Variants in FRMD1 observed in about 807,000 individuals in gnomAD.
FRMD1 encodes FERM domain containing 1, also known as FERM domain-containing protein 1.
FRMD1 carries 51 observed loss-of-function variants against 54.9 expected under a neutral mutation model. The observed-to-expected ratio is 0.93, with a 90% CI of 0.74 to 1.17. The LOEUF (loss-of-function observed/expected upper bound fraction) is 1.17. Ranked by LOEUF, FRMD1 falls within the 50% of genes most tolerant of loss-of-function variation. The pLI is 0.00. For synonymous variants in FRMD1, 324 were observed against 306.4 expected (o/e 1.06, Z -0.60); for missense variants, 729 against 743.0 (o/e 0.98, Z 0.22).
At chr6:168,067,122 C>G (rs879337596) in intron 3 of FRMD1, 1 of 703,760 alleles carries the variant, frequency 1.4e-6, no homozygotes, top group Non-Finnish European at 2.6e-6. Context: ...CCCCTCTGGA[C>G]GGAGCAGCTG....
intron 4 of FRMD1, 99 bp downstream of exon 4, chr6:168,066,656 T>C (rs904599917): frequency 7.5e-6 from 11 of 1,457,758 alleles, no homozygotes; most frequent in Non-Finnish European, 1.0e-5. Flanking sequence ...TGTTTTTGGA[T>C]AAACTCAAAT....
rs149163651 is a variant in FRMD1, at chr6:168,067,709, C to A, written c.305-263G>T. ...AGCTGATATTCAAAACTGGCACATG[C>A]TCCGGGCACGCCCTTTGGGAAAGCA... On this transcript the variant is annotated intron_variant, in intron 2 of 10. Transcript: ENST00000283309. Among the ~76,000 whole-genome samples the A allele has an allele frequency of 3.5e-3, 527 of 152,392 alleles. 2 individuals are homozygous for A. The highest frequency in any genetic ancestry group is 6.8e-3 in the Middle Eastern group (2 of 294).
chr6:168,090,500 C>T (rs558816269), intron 1 of FRMD1, among the ~76,000 whole-genome samples: 2 of 152,356 alleles, frequency 1.3e-5, no homozygotes, highest in East Asian at 3.9e-4. Context: ...AGCGTGGCTG[C>T]CCAGCCCATC....
chr6:168,061,060 G>T lies in FRMD1; in HGVS notation c.1046-3C>A. On this transcript the variant is annotated splice_polypyrimidine_tract_variant and splice_region_variant and intron_variant, in intron 8 of 10. Coordinates refer to ENST00000283309, the MANE Select transcript of FRMD1 (RefSeq NM_024919.6). Reference sequence around the variant, plus strand: ...GGACTCCCGGTAGTGCTGCTTCTCTGTGGGGAGTGGGGAGCACAGTGAGGG... The same window carrying T: ...GGACTCCCGGTAGTGCTGCTTCTCTTTGGGGAGTGGGGAGCACAGTGAGGG... The T allele has an allele frequency of 6.2e-7, 1 of 1,603,472 alleles. No homozygotes were observed. The highest frequency in any genetic ancestry group is 1.1e-5 in the South Asian group (1 of 90,812).
upstream of FRMD1, among the ~76,000 whole-genome samples, chr6:168,084,923 G>T (rs935744461): frequency 6.6e-6 from 1 of 152,138 alleles, no homozygotes; most frequent in African/African-American, 2.4e-5. Context: ...AGCAGAAAAG[G>T]TTGAGGGGCT....
In FRMD1 at chr6:168,065,554, A is replaced by G. The variant is rs114281158; in HGVS notation, c.462-497T>C. The G allele has an allele frequency of 5.4e-4, 535 of 987,220 alleles. No individual in the cohort carries two copies. The African/African-American group carries it at 8.2e-3, about 15-fold the overall frequency. 61.2% of individuals were successfully genotyped at this position (987,220 alleles called of 1,614,324 possible). A position where few individuals can be genotyped will look rare whatever the true frequency, so the allele number is the denominator to read the frequency against. The stretch of plus-strand genomic sequence containing the variant: ...AGATGCAGGTGCAAGATCTTCTCAT[A>G]TAATTCCCCCGAACTGGCCCCATAG... On this transcript the variant is annotated intron_variant, in intron 4 of 10. Transcript: ENST00000283309.
chr6:168,070,841 G>A (rs777715680), intron 2 of FRMD1, among the ~76,000 whole-genome samples: 14 of 152,178 alleles, frequency 9.2e-5, no homozygotes, highest in Admixed American at 7.2e-4. Context: ...CTGGAGGACC[G>A]GCATCTTGCT....
intron 3 of FRMD1, 119 bp downstream of exon 3, chr6:168,067,247 CA>C: frequency 2.8e-6 from 2 of 704,916 alleles, no homozygotes; most frequent in Non-Finnish European, 5.1e-6. Context: ...CCAACCCACG[CA>C]TCCCCGCGGT....
rs187943508 is a variant in FRMD1 at position 168,056,987 on chromosome 6, C to T, written c.*110G>A. 63 of 1,292,164 alleles carry T rather than the reference C, an allele frequency of 4.9e-5. No homozygotes were observed. The highest frequency in any genetic ancestry group is 3.0e-4 in the African/African-American group (20 of 65,834). 80.0% of individuals were successfully genotyped at this position (1,292,164 alleles called of 1,614,324 possible). On this transcript the variant is annotated 3_prime_UTR_variant, in exon 11 of 11. Transcript: ENST00000283309. Reference sequence around the variant, plus strand: ...GTGAACCTGTGGAGCGTGCTGGCTGCGGAAGTGCAGGCAGCATCTGGCGGG... The same window carrying T: ...GTGAACCTGTGGAGCGTGCTGGCTGTGGAAGTGCAGGCAGCATCTGGCGGG...
At chr6:168,083,913 T>G (rs1023265588), upstream of FRMD1, among the ~76,000 whole-genome samples, 2 of 152,218 alleles carry the variant, frequency 1.3e-5, no homozygotes, top group Non-Finnish European at 1.5e-5. Flanking sequence ...ATCAATTTAC[T>G]TGTTACAAAG....
Position 168,057,240 on chromosome 6 carries a change from G to A in FRMD1, c.1507C>T (p.Leu503Phe). The A allele has an allele frequency of 1.9e-6, 3 of 1,610,682 alleles. No homozygotes were observed. Among genetic ancestry groups the A allele is most frequent in the Non-Finnish European group, 2.5e-6 (3 of 1,178,870 alleles). Residue 503 changes from leucine (L) to phenylalanine (F), a missense_variant, in exon 11 of 11, where the codon CTC becomes TTC. Coordinates refer to ENST00000283309, the MANE Select transcript of FRMD1 (RefSeq NM_024919.6). ...QLALHPAPTS[L>F]SHTFHRALDC... ...AGGGCGCGGTGGAAGGTATGGCTGAGTGAGGTGGGCGCTGGGTGCAGGGCC... is the reference window on the plus strand; with the variant it reads ...AGGGCGCGGTGGAAGGTATGGCTGAATGAGGTGGGCGCTGGGTGCAGGGCC...
Position 168,057,350 on chromosome 6 carries a change from A to G in FRMD1, c.1408-11T>C. 6.2e-7 allele frequency: 1 copy of G among 1,607,310 alleles called. No homozygotes were observed. The highest frequency in any genetic ancestry group is 8.5e-7 in the Non-Finnish European group (1 of 1,179,570). On this transcript the variant is annotated splice_polypyrimidine_tract_variant and intron_variant, in intron 10 of 10. Transcript: ENST00000283309. ...TGTCATTTCCTGGATCTGCGGGGAG[A>G]GGCCATGGGATGAGGCCTGCTGCCC... is the stretch of plus-strand genomic sequence containing the variant.
At chr6:168,090,490 A>G (rs1305765836) in intron 1 of FRMD1, among the ~76,000 whole-genome samples, 3 of 152,038 alleles carry the variant, frequency 2.0e-5, no homozygotes, top group African/African-American at 4.8e-5. Flanking sequence ...GCTCTTTCCC[A>G]GCGTGGCTGC....
intron 2 of FRMD1, among the ~76,000 whole-genome samples, chr6:168,068,838 T>C (rs970123352): frequency 1.3e-5 from 2 of 152,184 alleles, no homozygotes; most frequent in Non-Finnish European, 2.9e-5. Context: ...AAGACACCAG[T>C]GAGGAAGACT....
intron 1 of FRMD1, among the ~76,000 whole-genome samples, chr6:168,087,735 C>T (rs955282016): frequency 1.3e-5 from 2 of 152,226 alleles, no homozygotes; most frequent in Non-Finnish European, 2.9e-5. Flanking sequence ...AGATTGGGCT[C>T]CTGGGTCACG....
chr6:168,067,636 C>T, intron 2 of FRMD1, 190 bp from the exon 3 acceptor site: 1 of 529,802 alleles, frequency 1.9e-6, no homozygotes, highest in Non-Finnish European at 3.4e-6. Flanking sequence ...ATGCAGGTGT[C>T]AAATGCTTGC....
chr6:168,088,265 C>T lies in FRMD1; in HGVS notation c.-11-9241G>A, dbSNP rs573261197. 2.0e-4 allele frequency among the ~76,000 whole-genome samples: 31 copies of T among 152,370 alleles called. No homozygotes were observed. The South Asian group carries it at 6.4e-3, about 32-fold the overall frequency. ...ACTGCAGCCACCACCCTCCCGCCGT[C>T]ACCTGCCCCTGCTGGGAGGCAGAGG... On this transcript the variant is annotated intron_variant, in intron 1 of 12. Coordinates refer to the FRMD1 transcript ENST00000644440.
chr6:168,060,396 G>C (rs1355923686), intron 9 of FRMD1, among the ~76,000 whole-genome samples: 3 of 151,612 alleles, frequency 2.0e-5, no homozygotes, highest in Non-Finnish European at 4.4e-5. Flanking sequence ...GGGGCCAGGG[G>C]CTTCCTAGGA....
At position 168,067,378 on chromosome 6, in the gene FRMD1, C is replaced by G; in HGVS notation, c.373G>C (p.Glu125Gln). The change falls in exon 3 of 11, where the codon GAA becomes CAA. Residue 125 changes from glutamate (E) to glutamine (Q), a missense_variant. Transcript: ENST00000283309. ...SKYFSKDWKK[E>Q]RNEGNEKPRA... ...CACTCTACACTTACTTCATTTCTTT[C>G]TTTCTTCCAATCTTTTGAGAAGTAC... The G allele has an allele frequency of 6.2e-7, 1 of 1,600,432 alleles. No individual in the cohort carries two copies. The highest frequency in any genetic ancestry group is 8.5e-7 in the Non-Finnish European group (1 of 1,172,392).
Sources: gnomAD v4.1 joint callset for allele counts (sites outside exome capture counted in the v4.1 genomes callset) on GRCh38, gnomAD v4.1.1 for gene constraint, MANE v1.5 for transcripts, NCBI Gene and HGNC (gene_info 2026-07-23, HGNC 2026-07-21) for gene names.